The following ATXN10 variants were observed in gnomAD, a reference collection of about 807,000 sequenced individuals.
ATXN10 encodes ataxin-10.
ATXN10 carries 28 observed loss-of-function variants against 52.9 expected under a neutral mutation model. That is an observed-to-expected ratio of 0.53 (90% CI 0.39 to 0.73). The LOEUF is 0.73. ATXN10 is among the 30% of genes least tolerant of loss of function. The pLI, the probability that ATXN10 is intolerant of heterozygous loss-of-function variation, is 0.00. For synonymous variants in ATXN10, 226 were observed against 221.5 expected (o/e 1.02, Z -0.18); for missense variants, 565 against 577.0 (o/e 0.98, Z 0.21).
At chr22:45,799,164 G>A (rs904046975) in intron 9 of ATXN10, among the ~76,000 whole-genome samples, 9 of 151,610 alleles carry the variant, frequency 5.9e-5, no homozygotes, top group South Asian at 2.1e-4. Flanking sequence ...CCCGCCTCCC[G>A]GGTTCAAGAG....
rs1408064294 is a variant in ATXN10, at chr22:45,789,824, T to A, written c.1174-17135T>A. On this transcript the variant is annotated intron_variant, in intron 9 of 11. Coordinates refer to ENST00000252934, the MANE Select transcript of ATXN10 (RefSeq NM_013236.4). The surrounding 1 kb of genome is among the most constrained non-coding windows in gnomAD (Gnocchi z 4.0). ...GCTTTGCCAACTACACTCCTTTTTT[T>A]CCTCTTGGACCGCTGGTGAGGAGTG... Among the ~76,000 whole-genome samples the A allele has an allele frequency of 6.6e-6, 1 of 152,178 alleles. No homozygotes were observed. The highest frequency in any genetic ancestry group is 1.5e-5 in the Non-Finnish European group (1 of 68,038).
In ATXN10 at chr22:45,701,747, G is replaced by A. The variant is rs1387595592; in HGVS notation, c.489-942G>A. Among the ~76,000 whole-genome samples, 1 of 152,116 alleles carries A rather than the reference G, an allele frequency of 6.6e-6. No homozygotes were observed. The highest frequency in any genetic ancestry group is 1.9e-4 in the East Asian group (1 of 5,198). On this transcript the variant is annotated intron_variant, in intron 4 of 11. Coordinates refer to ENST00000252934, the MANE Select transcript of ATXN10 (RefSeq NM_013236.4). This position sits in a 1 kb window ranked among gnomAD's most constrained non-coding sequence, Gnocchi z 4.2. ...TCATTCTTTGGTTGGGGAAGTAAAG[G>A]AACAGGCACATAGGTTGTGATGTAA...
rs1267034463 is a variant in ATXN10 at position 45,744,446 on chromosome 22, A to C, written c.1173+3908A>C. 6.6e-6 allele frequency: 1 copy of C among 152,120 alleles called. No homozygotes were observed. The highest frequency in any genetic ancestry group is 1.9e-4 in the East Asian group (1 of 5,194). The allele number at this position is 152,120 out of a possible 1,614,324, so 9.4% of individuals were successfully genotyped here. On this transcript the variant is annotated intron_variant, in intron 9 of 11. Transcript: ENST00000252934. The surrounding 1 kb of genome is among the most constrained non-coding windows in gnomAD (Gnocchi z 4.9). Reference sequence around the variant, plus strand: ...TGCTTTAGTTTGTTGGAGCCTTATGATACCTCTGTGGAAAGGGCTGAAAAG... The same window carrying C: ...TGCTTTAGTTTGTTGGAGCCTTATGCTACCTCTGTGGAAAGGGCTGAAAAG...
In ATXN10 at chr22:45,688,585, T is replaced by G. The variant is rs1923240642; in HGVS notation, c.117-1127T>G. On this transcript the variant is annotated intron_variant, in intron 1 of 11. Transcript: ENST00000252934. The surrounding 1 kb of genome is among the most constrained non-coding windows in gnomAD (Gnocchi z 4.0). The stretch of plus-strand genomic sequence containing the variant: ...ACTGAAGTTCAAGGAAAGACGTGTT[T>G]CCTCTGCCCCCGGAAAAGGGGCTTC... Among the ~76,000 whole-genome samples the G allele has an allele frequency of 6.6e-6, 1 of 152,162 alleles. No homozygotes were observed. Among genetic ancestry groups the G allele is most frequent in the Non-Finnish European group, 1.5e-5 (1 of 68,012 alleles).
At chr22:45,711,388 A>AG (rs1182538428) in intron 5 of ATXN10, among the ~76,000 whole-genome samples, 7 of 152,192 alleles carry the variant, frequency 4.6e-5, no homozygotes, top group Admixed American at 2.0e-4. Context: ...CTGGAGTTAT[A>AG]GGCGGGTGAA....
chr22:45,709,902 T>G (rs1284535103), intron 5 of ATXN10, among the ~76,000 whole-genome samples: 2 of 152,140 alleles, frequency 1.3e-5, no homozygotes, highest in African/African-American at 4.8e-5. Context: ...GGAACCTGAG[T>G]CCTGATTTTC....
At position 45,733,734 on chromosome 22, in the gene ATXN10, C is replaced by T. The variant is rs1166336914; in HGVS notation, c.894+4144C>T. On this transcript the variant is annotated intron_variant, in intron 7 of 11. Coordinates refer to ENST00000252934, the MANE Select transcript of ATXN10 (RefSeq NM_013236.4). This position sits in a 1 kb window ranked among gnomAD's most constrained non-coding sequence, Gnocchi z 4.4. ...TTGTGCCATTGCACTTCAGCCTGGG[C>T]GACAGAGCAAGACTCCCATCTTAAA... Among the ~76,000 whole-genome samples the T allele has an allele frequency of 3.3e-5, 5 of 149,868 alleles. No homozygotes were observed. Among genetic ancestry groups the T allele is most frequent in the African/African-American group, 7.4e-5 (3 of 40,614 alleles).
chr22:45,756,000 C>T (rs138195), intron 9 of ATXN10, among the ~76,000 whole-genome samples: 98,486 of 152,010 alleles, frequency 0.65, 32,086 homozygotes, highest in South Asian at 0.72. Flanking sequence ...CATAGCCACC[C>T]ACCCACCTCC....
intron 9 of ATXN10, among the ~76,000 whole-genome samples, chr22:45,776,870 T>A (rs888444258): frequency 6.6e-6 from 1 of 152,228 alleles, no homozygotes; most frequent in African/African-American, 2.4e-5. Flanking sequence ...CAAGAGTTTT[T>A]AAAAGTTTCT....
chr22:45,764,783 A>G (rs1926526709), intron 9 of ATXN10, among the ~76,000 whole-genome samples: 1 of 152,214 alleles, frequency 6.6e-6, no homozygotes, highest in Non-Finnish European at 1.5e-5. Flanking sequence ...GGAAATTCAC[A>G]GGCGCTTCTG....
rs553604017 is a variant in ATXN10 at position 45,842,743 on chromosome 22, T to C, written c.1238-248T>C. Among the ~76,000 whole-genome samples, 1 of 152,250 alleles carries C rather than the reference T, an allele frequency of 6.6e-6. No homozygotes were observed. The highest frequency in any genetic ancestry group is 2.1e-4 in the South Asian group (1 of 4,824). On this transcript the variant is annotated intron_variant, in intron 10 of 11. Coordinates refer to ENST00000252934, the MANE Select transcript of ATXN10 (RefSeq NM_013236.4). This position sits in a 1 kb window ranked among gnomAD's most constrained non-coding sequence, Gnocchi z 4.8. ...ATTCATTCAACAAATACTGAGTAAATCTCTCTGGGTGCCCGTGGCTGGACA... is the reference window on the plus strand; with the variant it reads ...ATTCATTCAACAAATACTGAGTAAACCTCTCTGGGTGCCCGTGGCTGGACA...
chr22:45,766,746 A>G lies in ATXN10; in HGVS notation c.1173+26208A>G, dbSNP rs1014049604. Among the ~76,000 whole-genome samples, 3 of 152,230 alleles carry G rather than the reference A, an allele frequency of 2.0e-5. No homozygotes were observed. Among genetic ancestry groups the G allele is most frequent in the Non-Finnish European group, 2.9e-5 (2 of 68,034 alleles). On this transcript the variant is annotated intron_variant, in intron 9 of 11. Coordinates refer to ENST00000252934, the MANE Select transcript of ATXN10 (RefSeq NM_013236.4). This position sits in a 1 kb window ranked among gnomAD's most constrained non-coding sequence, Gnocchi z 4.6. ...TAAAATGATAAAGAAAAAATAGTGG[A>G]AAAGATTTGCAACTTAAATCACAAA...
chr22:45,811,694 C>T (rs1173595821), intron 10 of ATXN10: 4 of 470,588 alleles, frequency 8.5e-6, no homozygotes, highest in Non-Finnish European at 1.8e-5. Flanking sequence ...GTCTCTATCC[C>T]CAGTGCCACC....
intron 6 of ATXN10, among the ~76,000 whole-genome samples, chr22:45,725,282 A>G (rs1015160380): frequency 4.6e-5 from 7 of 152,104 alleles, no homozygotes; most frequent in Admixed American, 4.6e-4. Flanking sequence ...CTTCTAATCC[A>G]TGAGCATGGG....
intron 3 of ATXN10, among the ~76,000 whole-genome samples, chr22:45,694,723 A>G (rs576411933): frequency 2.0e-5 from 3 of 151,930 alleles, no homozygotes; most frequent in Non-Finnish European, 4.4e-5. Flanking sequence ...TGGAGGTTGT[A>G]GTGAGCCGAG....
At chr22:45,743,660 G>A (rs1276344592) in intron 9 of ATXN10, among the ~76,000 whole-genome samples, 2 of 152,194 alleles carry the variant, frequency 1.3e-5, no homozygotes, top group Non-Finnish European at 2.9e-5. Context: ...GTATCATCTA[G>A]CCTAATTTGG....
At position 45,683,607 on chromosome 22, in the gene ATXN10, T is replaced by C. The variant is rs527402128; in HGVS notation, c.117-6105T>C. Among the ~76,000 whole-genome samples, 1 of 151,564 alleles carries C rather than the reference T, an allele frequency of 6.6e-6. No homozygotes were observed. The highest frequency in any genetic ancestry group is 1.5e-5 in the Non-Finnish European group (1 of 67,492). On this transcript the variant is annotated intron_variant, in intron 1 of 11. Coordinates refer to ENST00000252934, the MANE Select transcript of ATXN10 (RefSeq NM_013236.4). The surrounding 1 kb of genome is among the most constrained non-coding windows in gnomAD (Gnocchi z 4.8). ...CTTTTAAAATAAGGTTTAAATAATA[T>C]CTTATGTACAAAATCTTTCTCTAAG...
chr22:45,760,199 A>G (rs1005607880), intron 9 of ATXN10, among the ~76,000 whole-genome samples: 1 of 152,062 alleles, frequency 6.6e-6, no homozygotes, highest in Non-Finnish European at 1.5e-5. Flanking sequence ...CATCTTTCCC[A>G]CCTACAGATG....
In ATXN10 at chr22:45,750,934, T is replaced by C. The variant is rs1450326597; in HGVS notation, c.1173+10396T>C. Among the ~76,000 whole-genome samples the C allele has an allele frequency of 2.0e-5, 2 of 100,888 alleles. No homozygotes were observed. Among genetic ancestry groups the C allele is most frequent in the Non-Finnish European group, 4.6e-5 (2 of 43,054 alleles). 66.2% of individuals were successfully genotyped at this position (100,888 alleles called of 152,430 possible). On this transcript the variant is annotated intron_variant, in intron 9 of 11. Transcript: ENST00000252934. This position sits in a 1 kb window ranked among gnomAD's most constrained non-coding sequence, Gnocchi z 4.2. ...GTAGTAATTCTTTCTTTCTTCTACT[T>C]TCCTGTTTTTTTTTGAGACAGAGTC...
Sources: gnomAD v4.1 joint callset for allele counts (sites outside exome capture counted in the v4.1 genomes callset) on GRCh38, gnomAD v4.1.1 for gene constraint, Gnocchi (gnomAD v3.1) non-coding constraint, MANE v1.5 for transcripts, NCBI Gene and HGNC (gene_info 2026-07-23, HGNC 2026-07-21) for gene names.